The following DNER variants were observed in gnomAD, a reference collection of about 807,000 sequenced individuals.
The protein encoded by DNER is delta and Notch-like epidermal growth factor-related receptor.
In DNER, 33 loss-of-function variants were observed where a neutral mutation model predicts 78.2. That is an observed-to-expected ratio of 0.42 (90% CI 0.32 to 0.56). DNER has a LOEUF of 0.56. Among genes scored for constraint, DNER ranks in the 20% least tolerant of loss-of-function variants. The probability of loss-of-function intolerance (pLI) is 0.11; values close to 1 mark genes in which losing one functional copy is unlikely to be tolerated. For missense variants in DNER, 918 were observed against 975.3 expected (o/e 0.94, Z 0.78); for synonymous variants, 417 against 384.8 (o/e 1.08, Z -0.98).
chr2:229,673,302 C>T (rs200625216), intron 1 of DNER, among the ~76,000 whole-genome samples: 23 of 152,092 alleles, frequency 1.5e-4, no homozygotes, highest in South Asian at 1.5e-3. Context: ...GAAGAAGGCA[C>T]GAGATGCAGT....
intron 5 of DNER, among the ~76,000 whole-genome samples, chr2:229,532,676 C>A (rs953493686): frequency 6.6e-6 from 1 of 152,258 alleles, no homozygotes. Flanking sequence ...TCCTGGAAAG[C>A]AACTGCTCAA....
At chr2:229,465,303 C>T (rs1694781194) in intron 7 of DNER, among the ~76,000 whole-genome samples, 1 of 152,164 alleles carries the variant, frequency 6.6e-6, no homozygotes, top group African/African-American at 2.4e-5. Context: ...AGCTTGAAGC[C>T]ATTGTCTTCA....
chr2:229,616,897 A>C (rs943964392), intron 1 of DNER, among the ~76,000 whole-genome samples: 2 of 152,224 alleles, frequency 1.3e-5, no homozygotes, highest in African/African-American at 4.8e-5. Context: ...TGGCATGCTT[A>C]TGCAGATGGG....
chr2:229,703,352 A>G (rs1207022649), intron 1 of DNER, among the ~76,000 whole-genome samples: 1 of 152,248 alleles, frequency 6.6e-6, no homozygotes, highest in Non-Finnish European at 1.5e-5. Flanking sequence ...GCAAAAAAAA[A>G]GAACGAAAAC....
intron 7 of DNER, among the ~76,000 whole-genome samples, chr2:229,454,381 G>A (rs553160922): frequency 6.6e-6 from 1 of 152,110 alleles, no homozygotes; most frequent in South Asian, 2.1e-4. Flanking sequence ...TACACTACAG[G>A]AAAATTTCAC....
intron 12 of DNER, among the ~76,000 whole-genome samples, chr2:229,362,464 G>A (rs1388701548): frequency 1.3e-5 from 2 of 152,170 alleles, no homozygotes; most frequent in African/African-American, 4.8e-5. Flanking sequence ...TGCATTGAAA[G>A]GCATCACCTT....
At chr2:229,375,942 GT>G (rs902851358) in intron 11 of DNER, among the ~76,000 whole-genome samples, 1 of 152,132 alleles carries the variant, frequency 6.6e-6, no homozygotes, top group African/African-American at 2.4e-5. Flanking sequence ...CCCCCATGCT[GT>G]TCTCATGAAA....
chr2:229,685,770 C>G (rs1205099652), intron 1 of DNER, among the ~76,000 whole-genome samples: 1 of 152,176 alleles, frequency 6.6e-6, no homozygotes, highest in Non-Finnish European at 1.5e-5. Context: ...GAGCAAACAA[C>G]TGGGAACATA....
chr2:229,380,846 A>C (rs1174553683), intron 11 of DNER, among the ~76,000 whole-genome samples: 2 of 152,134 alleles, frequency 1.3e-5, no homozygotes, highest in Admixed American at 1.3e-4. Flanking sequence ...AATCACTTGA[A>C]CCGAGGAGGC....
At position 229,465,425 on chromosome 2, in the gene DNER, AG is replaced by A. The variant is rs543889836; in HGVS notation, c.1261+11714del. 2.0e-3 allele frequency among the ~76,000 whole-genome samples: 297 copies of A among 152,166 alleles called. 1 individual carries two copies. Among genetic ancestry groups the A allele is most frequent in the Non-Finnish European group, 7.5e-4 (51 of 67,982 alleles). On this transcript the variant is annotated intron_variant, in intron 7 of 12. Transcript: ENST00000341772. ...GAAGGAAACAGCACACAATGGGACC[AG>A]GGGGCTGAGGGAGGGAAAGCATCAG... is the stretch of plus-strand genomic sequence containing the variant.
intron 1 of DNER, among the ~76,000 whole-genome samples, chr2:229,671,674 T>A (rs1272941615): frequency 1.3e-5 from 2 of 152,166 alleles, no homozygotes; most frequent in African/African-American, 4.8e-5. Flanking sequence ...CCCCAGTATT[T>A]CCCAAGGCTG....
chr2:229,477,479 T>C (rs1024164173), intron 6 of DNER, among the ~76,000 whole-genome samples: 1 of 152,226 alleles, frequency 6.6e-6, no homozygotes, highest in Non-Finnish European at 1.5e-5. Flanking sequence ...CAAAAATCTT[T>C]ATTGCAAGAA....
chr2:229,408,743 T>C (rs1489638839), intron 9 of DNER, among the ~76,000 whole-genome samples: 3 of 152,126 alleles, frequency 2.0e-5, no homozygotes, highest in Admixed American at 2.0e-4. Flanking sequence ...TAAGAGAAAA[T>C]AGAAATGGAA....
intron 6 of DNER, among the ~76,000 whole-genome samples, chr2:229,493,160 G>A (rs1460636217): frequency 2.6e-5 from 4 of 152,186 alleles, no homozygotes; most frequent in South Asian, 4.1e-4. Context: ...AATGTGGGAA[G>A]GGAACACGCG....
chr2:229,501,291 T>G (rs1695616223), intron 6 of DNER, among the ~76,000 whole-genome samples: 1 of 151,768 alleles, frequency 6.6e-6, no homozygotes, highest in African/African-American at 2.4e-5. Flanking sequence ...GAAAGTGGAT[T>G]TTAAGTGTTC....
At chr2:229,670,907 C>T (rs1699195517) in intron 1 of DNER, among the ~76,000 whole-genome samples, 2 of 152,070 alleles carry the variant, frequency 1.3e-5, no homozygotes, top group Non-Finnish European at 2.9e-5. Context: ...CAGTATAGGT[C>T]TAGTGTATAA....
chr2:229,516,167 T>C (rs546692410), intron 5 of DNER, among the ~76,000 whole-genome samples: 1 of 152,370 alleles, frequency 6.6e-6, no homozygotes, highest in South Asian at 2.1e-4. Flanking sequence ...GTTAAATATT[T>C]GTATATTCTC....
In DNER at chr2:229,591,506, A is replaced by T; in HGVS notation, c.585+74T>A. ...AAAATGCTTTCATTTTTAATTGCTG[A>T]TACTAGAACCGCTGGAGTCACTTTA... On this transcript the variant is annotated intron_variant, in intron 2 of 12. Transcript: ENST00000341772. The surrounding 1 kb of genome is among the most constrained non-coding windows in gnomAD (Gnocchi z 4.6). 1 of 1,480,562 alleles carries T rather than the reference A, an allele frequency of 6.8e-7. No homozygotes were observed. The highest frequency in any genetic ancestry group is 9.0e-7 in the Non-Finnish European group (1 of 1,109,846). 91.7% of individuals were successfully genotyped at this position (1,480,562 alleles called of 1,614,324 possible).
intron 11 of DNER, among the ~76,000 whole-genome samples, chr2:229,385,276 C>A (rs371278613): frequency 1.3e-5 from 2 of 152,072 alleles, no homozygotes; most frequent in Admixed American, 6.6e-5. Context: ...GTTTAACACA[C>A]CTTCATGCTA....
Sources: gnomAD v4.1 joint callset for allele counts (sites outside exome capture counted in the v4.1 genomes callset) on GRCh38, gnomAD v4.1.1 for gene constraint, Gnocchi (gnomAD v3.1) non-coding constraint, MANE v1.5 for transcripts, NCBI Gene and HGNC (gene_info 2026-07-23, HGNC 2026-07-21) for gene names.